Variants in NLGN4X observed in about 807,000 individuals in gnomAD.
NLGN4X encodes the protein neuroligin 4 X-linked.
NLGN4X carries 3 observed loss-of-function variants against 40.3 expected under a neutral mutation model. The observed-to-expected ratio is 0.07, with a 90% CI of 0.03 to 0.19. The LOEUF (loss-of-function observed/expected upper bound fraction) is 0.19, where lower values mean the gene tolerates loss of function less well. NLGN4X is among the 10% of genes least tolerant of loss of function. The pLI, the probability that NLGN4X is intolerant of heterozygous loss-of-function variation, is 1.00. For missense variants in NLGN4X, 382 were observed against 708.3 expected (o/e 0.54, Z 5.23); for synonymous variants, 270 against 306.8 (o/e 0.88, Z 1.25).
chrX:6,161,511 A>T (rs1208249776), intron 1 of NLGN4X, among the ~76,000 whole-genome samples: 1 of 104,074 alleles, frequency 9.6e-6, no homozygotes, highest in Non-Finnish European at 1.9e-5. Flanking sequence ...GAATAATATA[A>T]AACATTCACA....
At chrX:6,083,667 G>A (rs1027405010) in intron 2 of NLGN4X, among the ~76,000 whole-genome samples, 1 of 112,339 alleles carries the variant, frequency 8.9e-6, no homozygotes, top group Non-Finnish European at 1.9e-5. Context: ...ATGAGAAGTA[G>A]ACATCCATTT....
At chrX:6,167,970 G>C (rs1407443463) in intron 1 of NLGN4X, among the ~76,000 whole-genome samples, 4 of 111,814 alleles carry the variant, frequency 3.6e-5, no homozygotes, top group African/African-American at 1.3e-4. Flanking sequence ...TGTATAGATA[G>C]GATTTTTAAA....
At chrX:6,093,434 C>G (rs1478425227) in intron 2 of NLGN4X, among the ~76,000 whole-genome samples, 1 of 111,676 alleles carries the variant, frequency 9.0e-6, no homozygotes. Context: ...CAACTGCAAG[C>G]TTTTCTTGAA....
At chrX:6,169,502 T>C (rs1236546561) in intron 1 of NLGN4X, among the ~76,000 whole-genome samples, 2 of 113,006 alleles carry the variant, frequency 1.8e-5, no homozygotes, top group Non-Finnish European at 3.7e-5. Context: ...GAAAGAAAAT[T>C]TGGCCTCTGC....
chrX:6,003,943 C>CCCCTG (rs2036037219), intron 3 of NLGN4X, among the ~76,000 whole-genome samples: 3 of 112,125 alleles, frequency 2.7e-5, no homozygotes, highest in Non-Finnish European at 5.6e-5. Context: ...GCTCCTGTAC[C>CCCCTG]TGCTCACCTG....
At chrX:6,158,018 G>A (rs768715295) in intron 1 of NLGN4X, among the ~76,000 whole-genome samples, 1 of 111,905 alleles carries the variant, frequency 8.9e-6, no homozygotes, top group East Asian at 2.8e-4. Context: ...CTAGCACAAG[G>A]ACTGGCAAAT....
At chrX:6,067,138 TA>T (rs1355233857) in intron 2 of NLGN4X, among the ~76,000 whole-genome samples, 4 of 107,595 alleles carry the variant, frequency 3.7e-5, no homozygotes, top group Non-Finnish European at 5.8e-5. Context: ...ATAAAACATA[TA>T]AAAATATGCA....
At chrX:5,940,507 T>C (rs2033886754) in intron 3 of NLGN4X, among the ~76,000 whole-genome samples, 1 of 109,745 alleles carries the variant, frequency 9.1e-6, no homozygotes, top group Admixed American at 9.8e-5. Flanking sequence ...CCCAGCCTTG[T>C]GAAGATCTGA....
At chrX:6,021,051 TCCCTCCCTCC>T (rs2036531154) in intron 3 of NLGN4X, among the ~76,000 whole-genome samples, 7 of 23,406 alleles carry the variant, frequency 3.0e-4, no homozygotes, top group Non-Finnish European at 4.8e-4. Context: ...TCTCTCTCCC[TCCCTCCCTCC>T]CTCCCTCCCT....
intron 3 of NLGN4X, among the ~76,000 whole-genome samples, chrX:5,986,108 CT>C (rs1313331316): frequency 1.8e-5 from 2 of 112,056 alleles, no homozygotes; most frequent in Non-Finnish European, 3.8e-5. Flanking sequence ...ACCTGGAAAA[CT>C]ATATAGAGTA....
intron 3 of NLGN4X, among the ~76,000 whole-genome samples, chrX:5,909,518 A>G (rs2032371950): frequency 9.0e-6 from 1 of 111,068 alleles, no homozygotes; most frequent in Admixed American, 9.6e-5. Flanking sequence ...AATAACATGA[A>G]GCAATCCCAG....
intron 3 of NLGN4X, among the ~76,000 whole-genome samples, chrX:5,963,879 C>G (rs1157627945): frequency 8.9e-6 from 1 of 112,288 alleles, no homozygotes; most frequent in Non-Finnish European, 1.9e-5. Flanking sequence ...TTCTCTCCTT[C>G]TATAAAAAAC....
chrX:6,032,691 C>G, intron 2 of NLGN4X: 2 of 1,180,652 alleles, frequency 1.7e-6, no homozygotes, highest in Non-Finnish European at 2.3e-6. Flanking sequence ...CAAAAAATAC[C>G]TTCGTCTTCA....
chrX:6,110,237 T>C (rs2039117744), intron 2 of NLGN4X, among the ~76,000 whole-genome samples: 1 of 111,715 alleles, frequency 9.0e-6, no homozygotes. Flanking sequence ...AAAGCCAATC[T>C]AGGGGGTGGG....
chrX:6,065,082 A>G (rs765971819), intron 2 of NLGN4X, among the ~76,000 whole-genome samples: 4 of 110,726 alleles, frequency 3.6e-5, no homozygotes, highest in African/African-American at 1.3e-4. Context: ...CGGGCCCAAA[A>G]AGGGGAACAA....
intron 2 of NLGN4X, among the ~76,000 whole-genome samples, chrX:6,032,935 C>T (rs775688291): frequency 2.6e-4 from 29 of 110,536 alleles, no homozygotes; most frequent in Non-Finnish European, 5.1e-4. Flanking sequence ...ATGCAAAATG[C>T]ATATAAACAT....
At chrX:6,222,751 G>A (rs1925821788) in intron 1 of NLGN4X, among the ~76,000 whole-genome samples, 1 of 112,330 alleles carries the variant, frequency 8.9e-6, no homozygotes, top group Admixed American at 9.4e-5. Flanking sequence ...GGAGGGATGT[G>A]GTGGGAAGTA....
chrX:5,975,611 T>G (rs1449455551), intron 3 of NLGN4X, among the ~76,000 whole-genome samples: 1 of 69,361 alleles, frequency 1.4e-5, no homozygotes, highest in Non-Finnish European at 2.6e-5. Flanking sequence ...AGACTCCGTT[T>G]CAAAAAAAAA....
At chrX:6,179,099 A>AAAGGAAGTAAGGAAGGAAGGAAGGAAGG (rs1921126091) in intron 1 of NLGN4X, among the ~76,000 whole-genome samples, 5 of 78,205 alleles carry the variant, frequency 6.4e-5, no homozygotes, top group Non-Finnish European at 6.9e-5. Flanking sequence ...ACCCTGAAAA[A>AAAGGAAGTAAGGAAGGAAGGAAGGAAGG]AAGGAAGGAA....
Sources: allele counts gnomAD v4.1 joint callset (sites outside exome capture counted in the v4.1 genomes callset), GRCh38; gene constraint gnomAD v4.1.1; transcripts MANE v1.5; gene names NCBI Gene and HGNC (gene_info 2026-07-23, HGNC 2026-07-21).